Variants in GID8 observed in about 807,000 individuals in gnomAD.
The protein encoded by GID8 is GID complex subunit 8 homolog, also known as glucose-induced degradation protein 8 homolog.
GID8 carries 6 observed loss-of-function variants against 27.4 expected under a neutral mutation model. The observed-to-expected ratio is 0.22, with a 90% confidence interval of 0.12 to 0.43. GID8 has a LOEUF of 0.43. GID8 is among the 20% of genes least tolerant of loss of function. The probability of loss-of-function intolerance (pLI) is 1.00; values close to 1 mark genes in which losing one functional copy is unlikely to be tolerated. For synonymous variants in GID8, 112 were observed against 109.0 expected (o/e 1.03, Z -0.17); for missense variants, 173 against 287.6 (o/e 0.60, Z 2.88).
rs1020516871 is a variant in GID8, at chr20:62,941,347, C to T, written c.-12-144C>T. The stretch of plus-strand genomic sequence containing the variant: ...ATTCTTTGCTAAGCATTGGCATTCT[C>T]AGTCTGGTGGGTGTCCCACGGCAGC... On this transcript the variant is annotated intron_variant, in intron 1 of 4. Transcript: ENST00000266069. The T allele has an allele frequency of 3.0e-5, 18 of 598,656 alleles. No homozygotes were observed. The Middle Eastern group carries it at 2.2e-3, about 73-fold the overall frequency. The allele number at this position is 598,656 out of a possible 1,614,324, so 37.1% of individuals were successfully genotyped here. A position where few individuals can be genotyped will look rare whatever the true frequency, so the allele number is the denominator to read the frequency against.
chr20:62,942,309 G>A (rs2065447206), intron 2 of GID8, among the ~76,000 whole-genome samples: 1 of 152,130 alleles, frequency 6.6e-6, no homozygotes, highest in African/African-American at 2.4e-5. Context: ...TTAATTAGCT[G>A]GATGTGGTGG....
rs1288225323 is a variant in GID8 at position 62,947,580 on chromosome 20, AC to A, written c.*2672del. 6.6e-6 allele frequency: 1 copy of A among 152,572 alleles called. No individual in the cohort carries two copies. The highest frequency in any genetic ancestry group is 6.5e-5 in the Admixed American group (1 of 15,276). 9.5% of individuals were successfully genotyped at this position (152,572 alleles called of 1,614,324 possible). On this transcript the variant is annotated 3_prime_UTR_variant, in exon 5 of 5. Coordinates refer to ENST00000266069, the MANE Select transcript of GID8 (RefSeq NM_017896.3). ...GATGCATGAAATTGGGTGAGGAATA[AC>A]CCCTAGTCTGGAATCTTTGTGAAGC...
intron 1 of GID8, among the ~76,000 whole-genome samples, chr20:62,939,525 C>T (rs1394929166): frequency 7.9e-5 from 12 of 151,324 alleles, no homozygotes; most frequent in Admixed American, 5.9e-4. Flanking sequence ...CTAATAGTCA[C>T]GTCAAACTTG....
In GID8 at chr20:62,943,049, C is replaced by T. The variant is rs1338809311; in HGVS notation, c.181C>T (p.Leu61=). 1 of 1,613,752 alleles carries T rather than the reference C, an allele frequency of 6.2e-7. No individual in the cohort carries two copies. Among genetic ancestry groups the T allele is most frequent in the African/African-American group, 1.3e-5 (1 of 74,880 alleles). The part of the protein sequence containing the change: ...MESGIEPSVD[L]ETLDERIKIR... ...ATCTGGAATCGAACCTAGTGTGGATCTGGAAACACTTGATGAACGAATCAA... is the reference window on the plus strand; with the variant it reads ...ATCTGGAATCGAACCTAGTGTGGATTTGGAAACACTTGATGAACGAATCAA... The change falls in exon 3 of 5, where the codon CTG becomes TTG. Residue 61 remains leucine, a synonymous_variant. Transcript: ENST00000266069. The surrounding 1 kb of genome is among the most constrained non-coding windows in gnomAD (Gnocchi z 4.7).
At chr20:62,941,882 G>GT (rs1302137284) in intron 2 of GID8, among the ~76,000 whole-genome samples, 6 of 152,212 alleles carry the variant, frequency 3.9e-5, no homozygotes, top group African/African-American at 1.4e-4. Flanking sequence ...AATTGAGACT[G>GT]TTGTGAAGTA....
rs2065461483 is a variant in GID8, at chr20:62,945,336, C to T, written c.*424C>T. The T allele has an allele frequency of 2.0e-6, 2 of 993,458 alleles. No individual in the cohort carries two copies. Among genetic ancestry groups the T allele is most frequent in the Non-Finnish European group, 2.4e-6 (2 of 835,080 alleles). The allele number at this position is 993,458 out of a possible 1,614,324, so 61.5% of individuals were successfully genotyped here. On this transcript the variant is annotated 3_prime_UTR_variant, in exon 5 of 5. Transcript: ENST00000266069. ...TTGGGCCTTCACCTACAAGTTTTTC[C>T]TTACCCCTGTGGTTTTTGTGTTTTT...
rs11479536 is a variant in GID8, at chr20:62,945,356, G to GT, written c.*457dup. Reference sequence around the variant, plus strand: ...TTTTCCTTACCCCTGTGGTTTTTGTGTTTTTTTTTTTTTCTTTTTCCATAG... The same window carrying GT: ...TTTTCCTTACCCCTGTGGTTTTTGTGTTTTTTTTTTTTTTCTTTTTCCATAG... On this transcript the variant is annotated 3_prime_UTR_variant, in exon 5 of 5. Coordinates refer to ENST00000266069, the MANE Select transcript of GID8 (RefSeq NM_017896.3). 0.11 allele frequency: 78,327 copies of GT among 740,732 alleles called. 204 individuals carry two copies. Among genetic ancestry groups the GT allele is most frequent in the African/African-American group, 0.12 (6,150 of 51,932 alleles). 45.9% of individuals were successfully genotyped at this position (740,732 alleles called of 1,614,324 possible).
In GID8 at chr20:62,948,023, A is replaced by T. The variant is rs567834463; in HGVS notation, c.*3111A>T. The T allele has an allele frequency of 1.3e-5, 2 of 152,364 alleles. No individual in the cohort carries two copies. The highest frequency in any genetic ancestry group is 4.1e-4 in the South Asian group (2 of 4,826). 9.4% of individuals were successfully genotyped at this position (152,364 alleles called of 1,614,324 possible). Reference sequence around the variant, plus strand: ...GTTACTGCTAAATCTCAGTATGAACAGACCAGGCGGAAAGCTTGGTGGCCA... The same window carrying T: ...GTTACTGCTAAATCTCAGTATGAACTGACCAGGCGGAAAGCTTGGTGGCCA... On this transcript the variant is annotated 3_prime_UTR_variant, in exon 5 of 5. Transcript: ENST00000266069.
chr20:62,940,869 A>C (rs1234553154), intron 1 of GID8, among the ~76,000 whole-genome samples: 1 of 152,264 alleles, frequency 6.6e-6, no homozygotes, highest in Non-Finnish European at 1.5e-5. Context: ...AAAGTTTAAT[A>C]GCCTCTACCA....
Position 62,946,167 on chromosome 20 carries a change from T to G in GID8, c.*1255T>G, listed in dbSNP as rs1352070656. 1 of 497,290 alleles carries G rather than the reference T, an allele frequency of 2.0e-6. No homozygotes were observed. The highest frequency in any genetic ancestry group is 3.4e-5 in the Admixed American group (1 of 29,194). The allele number at this position is 497,290 out of a possible 1,614,324, so 30.8% of individuals were successfully genotyped here. A position where few individuals can be genotyped will look rare whatever the true frequency, so the allele number is the denominator to read the frequency against. ...GGATGTTCGTGGAATTGCTGACCCA[T>G]CCAAGGGCGTCCTTTGGAGCCAGTG... On this transcript the variant is annotated 3_prime_UTR_variant, in exon 5 of 5. Transcript: ENST00000266069.
chr20:62,943,827 C>T lies in GID8; in HGVS notation c.513+135C>T. ...TCTGTGCCTGGGATGCTAAGTGGTT[C>T]CTTCATGGCTTTTTTTTTTTTTTTT... On this transcript the variant is annotated intron_variant, in intron 4 of 4. Transcript: ENST00000266069. The surrounding 1 kb of genome is among the most constrained non-coding windows in gnomAD (Gnocchi z 4.7). The T allele has an allele frequency of 1.6e-6, 1 of 618,420 alleles. No individual in the cohort carries two copies. The highest frequency in any genetic ancestry group is 3.1e-5 in the Admixed American group (1 of 31,958). The allele number at this position is 618,420 out of a possible 1,614,324, so 38.3% of individuals were successfully genotyped here. A position where few individuals can be genotyped will look rare whatever the true frequency, so the allele number is the denominator to read the frequency against.
Position 62,948,270 on chromosome 20 carries a change from T to G in GID8, c.*3358T>G, listed in dbSNP as rs1469595124. The G allele has an allele frequency of 6.6e-6, 1 of 152,258 alleles. No individual in the cohort carries two copies. Among genetic ancestry groups the G allele is most frequent in the African/African-American group, 2.4e-5 (1 of 41,466 alleles). The allele number at this position is 152,258 out of a possible 1,614,324, so 9.4% of individuals were successfully genotyped here. A position where few individuals can be genotyped will look rare whatever the true frequency, so the allele number is the denominator to read the frequency against. ...AAATATGTATTGCTTTTCTCATATT[T>G]TTTGCAAATTGTATTGTCAACATGG... On this transcript the variant is annotated 3_prime_UTR_variant, in exon 5 of 5. Coordinates refer to ENST00000266069, the MANE Select transcript of GID8 (RefSeq NM_017896.3).
Position 62,943,922 on chromosome 20 carries a change from G to A in GID8, c.513+230G>A, listed in dbSNP as rs1261048736. On this transcript the variant is annotated intron_variant, in intron 4 of 4. Transcript: ENST00000266069. This position sits in a 1 kb window ranked among gnomAD's most constrained non-coding sequence, Gnocchi z 4.7. The stretch of plus-strand genomic sequence containing the variant: ...GAGATCTCTGCTCACTGCAACCCCC[G>A]CCTCCTGTGTTCAAGCGATTCTCCT... Among the ~76,000 whole-genome samples the A allele has an allele frequency of 1.4e-5, 2 of 144,884 alleles. No individual in the cohort carries two copies. Among genetic ancestry groups the A allele is most frequent in the Non-Finnish European group, 3.0e-5 (2 of 66,966 alleles).
At position 62,947,351 on chromosome 20, in the gene GID8, G is replaced by C. The variant is rs370969536; in HGVS notation, c.*2439G>C. On this transcript the variant is annotated 3_prime_UTR_variant, in exon 5 of 5. Coordinates refer to ENST00000266069, the MANE Select transcript of GID8 (RefSeq NM_017896.3). ...CACACTTTCTTTGCTCCTTTTTACA[G>C]TCTTTGTCTTTGCAGCAAGCAAATG... 3 of 152,066 alleles carry C rather than the reference G, an allele frequency of 2.0e-5. No homozygotes were observed. The highest frequency in any genetic ancestry group is 3.8e-4 in the East Asian group (2 of 5,204). The allele number at this position is 152,066 out of a possible 1,614,324, so 9.4% of individuals were successfully genotyped here. A position where few individuals can be genotyped will look rare whatever the true frequency, so the allele number is the denominator to read the frequency against.
In GID8 at chr20:62,945,780, TTC is replaced by T; in HGVS notation, c.*869_*870del. On this transcript the variant is annotated 3_prime_UTR_variant, in exon 5 of 5. Transcript: ENST00000266069. The stretch of plus-strand genomic sequence containing the variant: ...TTGGCCCTGTGCTGAGTGAGCGGCC[TTC>T]ATTAGAGCGAGGCAGCCCTTGGCCG... The T allele has an allele frequency of 7.9e-7, 1 of 1,272,666 alleles. No homozygotes were observed. Among genetic ancestry groups the T allele is most frequent in the African/African-American group, 1.5e-5 (1 of 65,870 alleles). 78.8% of individuals were successfully genotyped at this position (1,272,666 alleles called of 1,614,324 possible).
rs1410271612 is a variant in GID8 at position 62,945,505 on chromosome 20, A to G, written c.*593A>G. On this transcript the variant is annotated 3_prime_UTR_variant, in exon 5 of 5. Transcript: ENST00000266069. ...TTTGGGGGATGCGTGTGAGGGGGCT[A>G]TGTGTTTTTTAATTTTTTAAATATA... 1.9e-6 allele frequency: 2 copies of G among 1,040,320 alleles called. No individual in the cohort carries two copies. The highest frequency in any genetic ancestry group is 2.3e-6 in the Non-Finnish European group (2 of 861,968). The allele number at this position is 1,040,320 out of a possible 1,614,324, so 64.4% of individuals were successfully genotyped here.
chr20:62,944,665 A>G, intron 4 of GID8, 74 bp from the exon 5 acceptor site: 1 of 1,028,828 alleles, frequency 9.7e-7, no homozygotes, highest in Non-Finnish European at 1.5e-6. Context: ...GTTTGTTTAA[A>G]CTGCCTCTTT....
chr20:62,940,371 A>G (rs6062381), intron 1 of GID8, among the ~76,000 whole-genome samples: 50,258 of 129,840 alleles, frequency 0.39, 11,623 homozygotes, highest in Non-Finnish European at 0.51. Flanking sequence ...TTTTTTTGAG[A>G]CGGAGTCTTG....
At chr20:62,944,360 C>T (rs2065456500) in intron 4 of GID8, among the ~76,000 whole-genome samples, 1 of 152,200 alleles carries the variant, frequency 6.6e-6, no homozygotes, top group Non-Finnish European at 1.5e-5. Flanking sequence ...CCAGGTCCCT[C>T]TTCCCCCGGG....
Sources: allele counts gnomAD v4.1 joint callset (sites outside exome capture counted in the v4.1 genomes callset), GRCh38; gene constraint gnomAD v4.1.1; non-coding constraint Gnocchi (gnomAD v3.1); transcripts MANE v1.5; gene names NCBI Gene and HGNC (gene_info 2026-07-23, HGNC 2026-07-21).